Variants in SPRED1 observed in about 807,000 individuals in gnomAD.
The protein encoded by SPRED1 is sprouty-related, EVH1 domain-containing protein 1.
SPRED1 carries 18 observed loss-of-function variants against 52.3 expected under a neutral mutation model. That is an observed-to-expected ratio of 0.34 (90% CI 0.24 to 0.51). The LOEUF (loss-of-function observed/expected upper bound fraction) is 0.51. SPRED1 is among the 20% of genes least tolerant of loss of function. The probability of loss-of-function intolerance (pLI) is 0.97; values close to 1 mark genes in which losing one functional copy is unlikely to be tolerated. For synonymous variants in SPRED1, 155 were observed against 179.7 expected (o/e 0.86, Z 1.10); for missense variants, 485 against 551.0 (o/e 0.88, Z 1.20).
chr15:38,307,002 G>A (rs974754480), intron 2 of SPRED1, among the ~76,000 whole-genome samples: 3 of 151,968 alleles, frequency 2.0e-5, no homozygotes, highest in African/African-American at 7.3e-5. Context: ...CCTGATTGTG[G>A]TATATTTCGT....
In SPRED1 at chr15:38,253,158, C is replaced by T. The variant is rs751783011; in HGVS notation, c.-28C>T. On this transcript the variant is annotated 5_prime_UTR_variant, in exon 1 of 7. Transcript: ENST00000299084. ...CCCCCGCCTGCTGTTGCTCCTCCATCTCCAGATCGGATCACGGTGAGGGAA... is the reference window on the plus strand; with the variant it reads ...CCCCCGCCTGCTGTTGCTCCTCCATTTCCAGATCGGATCACGGTGAGGGAA... 75 of 1,571,486 alleles carry T rather than the reference C, an allele frequency of 4.8e-5. No individual in the cohort carries two copies. Among genetic ancestry groups the T allele is most frequent in the East Asian group, 7.1e-5 (3 of 42,546 alleles).
intron 1 of SPRED1, among the ~76,000 whole-genome samples, chr15:38,258,403 T>C (rs1410434939): frequency 6.6e-6 from 1 of 152,194 alleles, no homozygotes; most frequent in Admixed American, 6.5e-5. Flanking sequence ...GTTCAGTGTA[T>C]GATATACATT....
intron 1 of SPRED1, among the ~76,000 whole-genome samples, chr15:38,259,639 C>T (rs746774018): frequency 6.6e-6 from 1 of 152,166 alleles, no homozygotes; most frequent in Non-Finnish European, 1.5e-5. Flanking sequence ...TTGATTAGTT[C>T]TACAAGGAAT....
At chr15:38,299,811 A>G (rs1359503042) in intron 2 of SPRED1, among the ~76,000 whole-genome samples, 1 of 152,124 alleles carries the variant, frequency 6.6e-6, no homozygotes. Context: ...TAGTTATTCA[A>G]CCGGTAACAT....
chr15:38,300,458 A>G (rs1349423206), intron 2 of SPRED1, among the ~76,000 whole-genome samples: 2 of 152,196 alleles, frequency 1.3e-5, no homozygotes, highest in African/African-American at 2.4e-5. Flanking sequence ...TTGAGCTCCA[A>G]ATAATTCTTC....
intron 1 of SPRED1, among the ~76,000 whole-genome samples, chr15:38,254,592 T>C (rs940781745): frequency 2.0e-5 from 3 of 152,252 alleles, no homozygotes; most frequent in Admixed American, 6.5e-5. Flanking sequence ...TATTTGTCTG[T>C]GTGTAGATTT....
chr15:38,312,208 TGGTTCATAA>T (rs892060909), intron 2 of SPRED1, among the ~76,000 whole-genome samples: 2 of 152,184 alleles, frequency 1.3e-5, no homozygotes, highest in African/African-American at 4.8e-5. Flanking sequence ...CTGTATCAAT[TGGTTCATAA>T]GGTTCGTAAC....
At chr15:38,300,013 G>A (rs1262201018) in intron 2 of SPRED1, among the ~76,000 whole-genome samples, 1 of 152,114 alleles carries the variant, frequency 6.6e-6, no homozygotes, top group Non-Finnish European at 1.5e-5. Flanking sequence ...TCCCATTTCA[G>A]TATCCACAAA....
intron 4 of SPRED1, among the ~76,000 whole-genome samples, chr15:38,326,718 A>G (rs1848222852): frequency 6.6e-6 from 1 of 152,200 alleles, no homozygotes; most frequent in Non-Finnish European, 1.5e-5. Context: ...ATTGGCAGAA[A>G]TACCACCTTT....
Position 38,349,576 on chromosome 15 carries a change from G to GTA in SPRED1, c.684+53_684+54insTA, listed in dbSNP as rs59928364. ...ATGGAATTTAACTAATTAATAGATA[G>GTA]GTAAAGTTTTCCAGTCTTTCTAATT... On this transcript the variant is annotated intron_variant, in intron 6 of 6. Transcript: ENST00000299084. 0.88 allele frequency: 1,080,457 copies of GTA among 1,231,674 alleles called. 476,524 individuals are homozygous for GTA. Among genetic ancestry groups the GTA allele is most frequent in the Non-Finnish European group, 0.9 (761,296 of 848,872 alleles). The allele number at this position is 1,231,674 out of a possible 1,614,324, so 76.3% of individuals were successfully genotyped here. A position where few individuals can be genotyped will look rare whatever the true frequency, so the allele number is the denominator to read the frequency against.
intron 4 of SPRED1, 36 bp from the exon 5 acceptor site, chr15:38,339,701 T>C (rs768979377): frequency 1.9e-6 from 3 of 1,608,032 alleles, no homozygotes; most frequent in Non-Finnish European, 2.6e-6. Flanking sequence ...TGGTTTTTAT[T>C]CTGGCAACTA....
At chr15:38,311,036 A>T (rs1198568547) in intron 2 of SPRED1, among the ~76,000 whole-genome samples, 1 of 152,134 alleles carries the variant, frequency 6.6e-6, no homozygotes, top group East Asian at 1.9e-4. Context: ...GATATTAACC[A>T]AAACACATAC....
At chr15:38,257,387 TCATTA>T (rs1464167365) in intron 1 of SPRED1, among the ~76,000 whole-genome samples, 1 of 152,160 alleles carries the variant, frequency 6.6e-6, no homozygotes, top group East Asian at 1.9e-4. Flanking sequence ...GCATTTGAGA[TCATTA>T]GCTGTATTAG....
chr15:38,278,744 C>T (rs757295551), intron 1 of SPRED1, among the ~76,000 whole-genome samples: 5 of 132,982 alleles, frequency 3.8e-5, no homozygotes, highest in East Asian at 4.3e-4. Flanking sequence ...AATAGTTATA[C>T]GGCATTTCTA....
intron 4 of SPRED1, among the ~76,000 whole-genome samples, chr15:38,333,918 A>G (rs1360511786): frequency 6.6e-6 from 1 of 152,108 alleles, no homozygotes; most frequent in Non-Finnish European, 1.5e-5. Flanking sequence ...AGTAACATTT[A>G]TTTTAGGCAA....
At chr15:38,335,744 T>A (rs1246889040) in intron 4 of SPRED1, among the ~76,000 whole-genome samples, 1 of 152,054 alleles carries the variant, frequency 6.6e-6, no homozygotes, top group Non-Finnish European at 1.5e-5. Context: ...GACAACATAG[T>A]AAGACCCTGT....
chr15:38,288,416 CA>C lies in SPRED1; in HGVS notation c.33-10955del, dbSNP rs570193101. ...GTAAATCCTATTAATGGAGGACAGA[CA>C]ATAAATAAATAAATAATTTCAGATA... is the stretch of plus-strand genomic sequence containing the variant. On this transcript the variant is annotated intron_variant, in intron 1 of 6. Transcript: ENST00000299084. Among the ~76,000 whole-genome samples the C allele has an allele frequency of 1.4e-4, 21 of 151,976 alleles. No homozygotes were observed. In the East Asian group the frequency reaches 3.3e-3, roughly 24 times the overall value.
intron 1 of SPRED1, among the ~76,000 whole-genome samples, chr15:38,289,292 G>C (rs1159610540): frequency 6.7e-6 from 1 of 150,014 alleles, no homozygotes; most frequent in Non-Finnish European, 1.5e-5. Context: ...TACTTTTTCT[G>C]TATTTCATGG....
intron 1 of SPRED1, chr15:38,298,484 AT>A (rs1412741956): frequency 6.6e-6 from 2 of 304,528 alleles, no homozygotes; most frequent in Admixed American, 5.2e-5. Context: ...ATTATGATAG[AT>A]TTATTCAATT....
Sources: gnomAD v4.1 joint callset for allele counts (sites outside exome capture counted in the v4.1 genomes callset) on GRCh38, gnomAD v4.1.1 for gene constraint, MANE v1.5 for transcripts, NCBI Gene and HGNC (gene_info 2026-07-23, HGNC 2026-07-21) for gene names.